Variants in ZNF17 observed in about 807,000 individuals in gnomAD.
ZNF17 encodes the protein zinc finger protein 17.
ZNF17 carries 4 observed loss-of-function variants against 7.7 expected under a neutral mutation model. The ratio of observed to expected loss-of-function variants is 0.52; its 90% CI spans 0.26 to 1.20. The LOEUF is 1.20. Among genes scored for constraint, ZNF17 ranks in the 50% most tolerant of loss-of-function variants. The pLI, the probability that ZNF17 is intolerant of heterozygous loss-of-function variation, is 0.14. For synonymous variants in ZNF17, 249 were observed against 258.8 expected (o/e 0.96, Z 0.36); for missense variants, 738 against 799.5 (o/e 0.92, Z 0.93).
At position 57,413,603 on chromosome 19, in the gene ZNF17, A is replaced by G. The variant is rs1261068762; in HGVS notation, c.-13A>G. 1 of 1,535,946 alleles carries G rather than the reference A, an allele frequency of 6.5e-7. No individual in the cohort carries two copies. Among genetic ancestry groups the G allele is most frequent in the Non-Finnish European group, 8.7e-7 (1 of 1,146,916 alleles). Reference sequence around the variant, plus strand: ...GCCTGCCTCTTCCCACAGGGTTCATAGCAGTGGCAGCAATGCTTATGGATG... The same window carrying G: ...GCCTGCCTCTTCCCACAGGGTTCATGGCAGTGGCAGCAATGCTTATGGATG... On this transcript the variant is annotated 5_prime_UTR_variant, in exon 2 of 4. It adds an upstream start codon to the 5' untranslated region. Transcript: ENST00000307658.
intron 1 of ZNF17, among the ~76,000 whole-genome samples, chr19:57,412,571 A>C (rs530779097): frequency 1.3e-5 from 2 of 151,464 alleles, no homozygotes; most frequent in South Asian, 4.2e-4. Flanking sequence ...CAGCCTCCCG[A>C]GTAGCTGGGA....
Position 57,420,308 on chromosome 19 carries a change from G to A in ZNF17, c.822G>A (p.Arg274=), listed in dbSNP as rs1441285503. The change falls in exon 4 of 4, where the codon AGG becomes AGA. Residue 274 remains arginine, a synonymous_variant. Coordinates refer to ENST00000307658, the MANE Select transcript of ZNF17 (RefSeq NM_001330617.2). The part of the protein sequence containing the change: ...VQHQKIHTGE[R]PYECSECGKA... ...ACCAGAAAATTCACACTGGAGAAAG[G>A]CCTTATGAGTGCAGTGAATGTGGGA... The A allele has an allele frequency of 5.6e-6, 9 of 1,614,090 alleles. No homozygotes were observed. Among genetic ancestry groups the A allele is most frequent in the Non-Finnish European group, 6.8e-6 (8 of 1,180,002 alleles).
intron 1 of ZNF17, 38 bp from the exon 2 acceptor site, chr19:57,413,558 A>G (rs1210154970): frequency 8.5e-6 from 13 of 1,535,022 alleles, no homozygotes; most frequent in East Asian, 2.4e-5. Flanking sequence ...GGATGCTGCA[A>G]TGCTGTCTTA....
chr19:57,419,577 A>C, intron 3 of ZNF17, 58 bp from the exon 4 acceptor site: 5 of 1,537,826 alleles, frequency 3.3e-6, no homozygotes, highest in Non-Finnish European at 4.4e-6. Flanking sequence ...GACATTTGTT[A>C]TGGGGCTGCC....
At chr19:57,417,020 G>C (rs2088815210) in intron 2 of ZNF17, among the ~76,000 whole-genome samples, 2 of 152,172 alleles carry the variant, frequency 1.3e-5, no homozygotes, top group South Asian at 4.1e-4. Context: ...AGAGGGAAGT[G>C]TATCAGTGAT....
At position 57,419,974 on chromosome 19, in the gene ZNF17, A is replaced by C. The variant is rs753837972; in HGVS notation, c.488A>C (p.Asp163Ala). The change falls in exon 4 of 4, where the codon GAT (aspartate) becomes GCT (alanine). Residue 163 changes from aspartate (D) to alanine (A), a missense_variant. Physicochemically the swap from Asp to Ala is moderately radical, Grantham distance 126. This residue lies in a region of ZNF17 where 616 missense variants were observed against 663.9 expected (regional missense o/e 0.93). Coordinates refer to ENST00000307658, the MANE Select transcript of ZNF17 (RefSeq NM_001330617.2). ...GGCAAGGATTTTACTGGTGATTCAG[A>C]TCTTCAACAACAGGCTCTTCACAGT... The part of the protein sequence containing the change: ...QGGKDFTGDS[D>A]LQQQALHSGW... The C allele has an allele frequency of 6.2e-7, 1 of 1,614,120 alleles. No homozygotes were observed. Among genetic ancestry groups the C allele is most frequent in the Admixed American group, 1.7e-5 (1 of 60,012 alleles).
chr19:57,414,796 C>A (rs936255593), intron 2 of ZNF17, among the ~76,000 whole-genome samples: 4 of 149,536 alleles, frequency 2.7e-5, no homozygotes, highest in Non-Finnish European at 5.9e-5. Flanking sequence ...CTGCAAGCTT[C>A]GCTTCCTGGG....
intron 1 of ZNF17, among the ~76,000 whole-genome samples, chr19:57,411,909 A>G (rs2088779746): frequency 6.6e-6 from 1 of 152,172 alleles, no homozygotes; most frequent in African/African-American, 2.4e-5. Flanking sequence ...CATCAAATGT[A>G]GCAGTGAGGG....
At chr19:57,418,170 C>A in intron 3 of ZNF17, 132 bp downstream of exon 3, 1 of 1,196,250 alleles carries the variant, frequency 8.4e-7, no homozygotes, top group Admixed American at 2.3e-5. Context: ...TGTGTTGTGG[C>A]AGCTACAGCT....
At position 57,421,724 on chromosome 19, in the gene ZNF17, C is replaced by T. The variant is rs1568539944; in HGVS notation, c.*243C>T. The T allele has an allele frequency of 7.6e-6, 3 of 395,022 alleles. No individual in the cohort carries two copies. The highest frequency in any genetic ancestry group is 6.8e-4 in the Middle Eastern group (1 of 1,478). The allele number at this position is 395,022 out of a possible 1,614,324, so 24.5% of individuals were successfully genotyped here. On this transcript the variant is annotated 3_prime_UTR_variant, in exon 4 of 4. Transcript: ENST00000307658. ...ATACCTTTTAAAACCTTATTCCTCACTCCATCCAGCCTCTTGACAAGCACC... is the reference window on the plus strand; with the variant it reads ...ATACCTTTTAAAACCTTATTCCTCATTCCATCCAGCCTCTTGACAAGCACC...
intron 3 of ZNF17, chr19:57,419,182 C>T (rs1239773089): frequency 6.3e-6 from 1 of 158,856 alleles, no homozygotes; most frequent in Non-Finnish European, 1.4e-5. Context: ...CACCCAGCCA[C>T]CTGTTCCTTT....
At chr19:57,418,177 A>C (rs941263570) in intron 3 of ZNF17, 139 bp downstream of exon 3, 1 of 1,157,840 alleles carries the variant, frequency 8.6e-7, no homozygotes, top group African/African-American at 1.5e-5. Flanking sequence ...TGGCAGCTAC[A>C]GCTGGGCTGT....
chr19:57,415,406 G>A (rs1050025628), intron 2 of ZNF17, among the ~76,000 whole-genome samples: 2 of 152,188 alleles, frequency 1.3e-5, no homozygotes, highest in African/African-American at 4.8e-5. Context: ...AGAGACTCGA[G>A]TAGAGGTGCC....
Position 57,414,682 on chromosome 19 carries a change from G to A in ZNF17, c.21+1046G>A, listed in dbSNP as rs553654409. 1.7e-4 allele frequency among the ~76,000 whole-genome samples: 25 copies of A among 150,154 alleles called. No individual in the cohort carries two copies. In the East Asian group the frequency reaches 4.3e-3, roughly 26 times the overall value. Reference sequence around the variant, plus strand: ...GGGGTAGTAGCTAGGGAAGGTTTGAGAAAGAAAAAAGAGGTGATTTGACCT... The same window carrying A: ...GGGGTAGTAGCTAGGGAAGGTTTGAAAAAGAAAAAAGAGGTGATTTGACCT... On this transcript the variant is annotated intron_variant, in intron 2 of 3. Coordinates refer to ENST00000307658, the MANE Select transcript of ZNF17 (RefSeq NM_001330617.2).
chr19:57,413,350 T>C (rs949236448), intron 1 of ZNF17: 15 of 467,858 alleles, frequency 3.2e-5, no homozygotes, highest in African/African-American at 2.3e-4. Context: ...TGATACATAG[T>C]GTGTACTACT....
intron 2 of ZNF17, among the ~76,000 whole-genome samples, chr19:57,414,137 G>A (rs554690312): frequency 4.1e-4 from 63 of 152,148 alleles, no homozygotes; most frequent in African/African-American, 1.5e-3. Context: ...TGGTTCAAGC[G>A]ATTCTCCTGC....
At position 57,420,254 on chromosome 19, in the gene ZNF17, C is replaced by T; in HGVS notation, c.768C>T (p.Ala256=). ...ATAAGTGTAGTGAATGTGGAAAAGC[C>T]TTCAGCCTCAAATACAATGTTGTTC... is the stretch of plus-strand genomic sequence containing the variant. The part of the protein sequence containing the change: ...RPYKCSECGK[A]FSLKYNVVQH... Residue 256 remains alanine (A), a synonymous_variant, in exon 4 of 4, where the codon GCC becomes GCT. Transcript: ENST00000307658. 1.9e-6 allele frequency: 3 copies of T among 1,614,128 alleles called. No homozygotes were observed. The highest frequency in any genetic ancestry group is 2.5e-6 in the Non-Finnish European group (3 of 1,180,014).
chr19:57,416,327 A>G (rs1373837749), intron 2 of ZNF17, among the ~76,000 whole-genome samples: 2 of 152,058 alleles, frequency 1.3e-5, no homozygotes, highest in Non-Finnish European at 2.9e-5. Context: ...TGTTGGATAC[A>G]TGAGGGAGGT....
intron 1 of ZNF17, 84 bp downstream of exon 1, chr19:57,411,490 C>G (rs1303039759): frequency 9.0e-6 from 14 of 1,557,578 alleles, no homozygotes; most frequent in African/African-American, 1.3e-5. Context: ...GGTCAGGCCC[C>G]TGTGTCCCAA....
Sources: gnomAD v4.1 joint callset for allele counts (sites outside exome capture counted in the v4.1 genomes callset) on GRCh38, gnomAD v4.1.1 for gene constraint, gnomAD v4.1.1 regional missense constraint, MANE v1.5 for transcripts, NCBI Gene and HGNC (gene_info 2026-07-23, HGNC 2026-07-21) for gene names.